Variants in PHF20L1 observed in about 807,000 individuals in gnomAD.
PHF20L1 encodes PHD finger protein 20 like 1.
A neutral mutation model predicts 125.5 loss-of-function variants in PHF20L1; 44 were observed. That is an observed-to-expected ratio of 0.35 (90% CI 0.28 to 0.45). The LOEUF is 0.45. Ranked by LOEUF, PHF20L1 falls within the 20% of genes least tolerant of loss-of-function variation. PHF20L1 has a pLI of 1.00. For synonymous variants in PHF20L1, 380 were observed against 403.1 expected (o/e 0.94, Z 0.69); for missense variants, 1,012 against 1,217.2 (o/e 0.83, Z 2.51).
Position 132,792,964 on chromosome 8 carries a change from C to CTTTTTTTT in PHF20L1, c.84-1435_84-1428dup, listed in dbSNP as rs370724463. Among the ~76,000 whole-genome samples, 17 of 129,630 alleles carry CTTTTTTTT rather than the reference C, an allele frequency of 1.3e-4. 1 individual carries two copies. The highest frequency in any genetic ancestry group is 1.8e-4 in the Non-Finnish European group (11 of 62,692). 85.0% of individuals were successfully genotyped at this position (129,630 alleles called of 152,430 possible). A position where few individuals can be genotyped will look rare whatever the true frequency, so the allele number is the denominator to read the frequency against. On this transcript the variant is annotated intron_variant, in intron 2 of 20. Coordinates refer to ENST00000395386, the MANE Select transcript of PHF20L1 (RefSeq NM_016018.5). ...GCTTATTTGAGAAGACCCCTTTTTT[C>CTTTTTTTT]TTTTTTTTTTTTTTTTTTAGTGCCA...
chr8:132,801,997 C>T (rs575790642), intron 6 of PHF20L1, among the ~76,000 whole-genome samples: 38 of 151,648 alleles, frequency 2.5e-4, no homozygotes, highest in African/African-American at 8.7e-4. Context: ...AAATTTTCCC[C>T]GCAATGTGGA....
rs1587083803 is a variant in PHF20L1 at position 132,839,190 on chromosome 8, C to T, written c.2192-197C>T. On this transcript the variant is annotated intron_variant, in intron 17 of 20. Transcript: ENST00000395386. ...CCATGTCCTTAATGGTGTTTCTTCT[C>T]CTGGGTGGGCAGGAACGCTGAAGGT... 7 of 557,570 alleles carry T rather than the reference C, an allele frequency of 1.3e-5. No homozygotes were observed. In the East Asian group the frequency reaches 2.0e-4, roughly 16 times the overall value. 34.5% of individuals were successfully genotyped at this position (557,570 alleles called of 1,614,324 possible). A position where few individuals can be genotyped will look rare whatever the true frequency, so the allele number is the denominator to read the frequency against.
chr8:132,791,221 T>G (rs569542739), intron 2 of PHF20L1, among the ~76,000 whole-genome samples: 101 of 150,290 alleles, frequency 6.7e-4, no homozygotes, highest in Non-Finnish European at 1.3e-3. Context: ...AATCTGACCC[T>G]AAGCTAAGCC....
chr8:132,828,325 TAACTG>T (rs759265799), intron 14 of PHF20L1, among the ~76,000 whole-genome samples: 10 of 152,000 alleles, frequency 6.6e-5, no homozygotes, highest in Admixed American at 4.6e-4. Context: ...TACCAACAGT[TAACTG>T]AGAGAGAGTG....
intron 15 of PHF20L1, among the ~76,000 whole-genome samples, chr8:132,833,786 C>G (rs1348459087): frequency 6.6e-6 from 1 of 152,118 alleles, no homozygotes; most frequent in Non-Finnish European, 1.5e-5. Context: ...TTCTTAGTCT[C>G]TGCCCTGCCC....
intron 12 of PHF20L1, chr8:132,818,726 C>G (rs1234195480): frequency 1.3e-5 from 2 of 151,708 alleles, no homozygotes; most frequent in Admixed American, 6.6e-5. Context: ...TTCCACTTTT[C>G]CACAAGATTT....
intron 13 of PHF20L1, 167 bp from the exon 14 acceptor site, chr8:132,825,096 CT>C: frequency 6.6e-7 from 1 of 1,521,554 alleles, no homozygotes; most frequent in Non-Finnish European, 8.9e-7. Flanking sequence ...GTCCAATAAG[CT>C]TATCAGGACT....
At chr8:132,777,641 C>G (rs1829971021) in intron 1 of PHF20L1, 151 bp from the exon 2 acceptor site, 1 of 524,192 alleles carries the variant, frequency 1.9e-6, no homozygotes, top group Admixed American at 3.5e-5. Context: ...GTTGGTAATA[C>G]TCCTTCAAAT....
intron 12 of PHF20L1, among the ~76,000 whole-genome samples, chr8:132,820,387 A>C (rs775053753): frequency 9.9e-5 from 15 of 151,910 alleles, no homozygotes; most frequent in Non-Finnish European, 1.5e-4. Flanking sequence ...CCTTGTCAAC[A>C]CAATTCTCTT....
chr8:132,833,283 T>G (rs909600786), intron 15 of PHF20L1, among the ~76,000 whole-genome samples: 2 of 152,152 alleles, frequency 1.3e-5, no homozygotes, highest in African/African-American at 4.8e-5. Context: ...TTGCACCGTT[T>G]GCTTCCAGGT....
chr8:132,815,373 A>C (rs1051045806), intron 10 of PHF20L1: 1 of 151,812 alleles, frequency 6.6e-6, no homozygotes, highest in Admixed American at 6.6e-5. Context: ...GTATTTTTAA[A>C]GATTTTACTG....
intron 14 of PHF20L1, among the ~76,000 whole-genome samples, chr8:132,831,462 G>A (rs374499952): frequency 6.6e-6 from 1 of 152,016 alleles, no homozygotes; most frequent in African/African-American, 2.4e-5. Flanking sequence ...ACAAAACTGA[G>A]AAAAACAGAA....
At chr8:132,830,593 A>G (rs1836658198) in intron 14 of PHF20L1, among the ~76,000 whole-genome samples, 1 of 151,918 alleles carries the variant, frequency 6.6e-6, no homozygotes, top group Non-Finnish European at 1.5e-5. Context: ...GCGTCACTTG[A>G]CATCCTTTTC....
In PHF20L1 at chr8:132,784,925, GT is replaced by G. The variant is rs1288553839; in HGVS notation, c.83+7015del. On this transcript the variant is annotated intron_variant, in intron 2 of 20. Coordinates refer to ENST00000395386, the MANE Select transcript of PHF20L1 (RefSeq NM_016018.5). ...ATTGGAATTAGAGAGCTTGAGCAAG[GT>G]AGGTAAATTTCAAGTTTATCCATCC... 8.7e-4 allele frequency among the ~76,000 whole-genome samples: 133 copies of G among 152,290 alleles called. 1 individual carries two copies. Among genetic ancestry groups the G allele is most frequent in the Non-Finnish European group, 1.0e-4 (7 of 68,030 alleles).
intron 15 of PHF20L1, among the ~76,000 whole-genome samples, chr8:132,834,794 C>T (rs1587062390): frequency 6.6e-6 from 1 of 152,030 alleles, no homozygotes; most frequent in African/African-American, 2.4e-5. Context: ...TTATACTGTT[C>T]ATACTAGATT....
chr8:132,780,062 C>G (rs956935940), intron 2 of PHF20L1, among the ~76,000 whole-genome samples: 3 of 145,668 alleles, frequency 2.1e-5, no homozygotes, highest in Non-Finnish European at 4.4e-5. Context: ...GATTTTGGCA[C>G]TCTGTTTCAG....
At chr8:132,839,676 T>C in intron 18 of PHF20L1, 94 bp downstream of exon 18, 1 of 812,138 alleles carries the variant, frequency 1.2e-6, no homozygotes, top group Non-Finnish European at 2.0e-6. Context: ...GAGTAACAGT[T>C]TGGAGGAGAG....
rs1835088600 is a variant in PHF20L1 at position 132,817,258 on chromosome 8, T to C, written c.1373-81T>C. On this transcript the variant is annotated intron_variant, in intron 11 of 20. Coordinates refer to ENST00000395386, the MANE Select transcript of PHF20L1 (RefSeq NM_016018.5). Reference sequence around the variant, plus strand: ...TTTGTGCCAGGCACTGTTTAAATTATGTAACACTTTAATTCACAGTGATAG... The same window carrying C: ...TTTGTGCCAGGCACTGTTTAAATTACGTAACACTTTAATTCACAGTGATAG... The C allele has an allele frequency of 1.1e-5, 13 of 1,220,878 alleles. 1 individual carries two copies. The South Asian group carries it at 1.7e-4, about 16-fold the overall frequency. The allele number at this position is 1,220,878 out of a possible 1,614,324, so 75.6% of individuals were successfully genotyped here.
At chr8:132,834,316 G>A (rs898914728) in intron 15 of PHF20L1, among the ~76,000 whole-genome samples, 1 of 152,028 alleles carries the variant, frequency 6.6e-6, no homozygotes, top group African/African-American at 2.4e-5. Flanking sequence ...TCCTTTCAAT[G>A]ATATAATTTC....
Sources: gnomAD v4.1 joint callset for allele counts (sites outside exome capture counted in the v4.1 genomes callset) on GRCh38, gnomAD v4.1.1 for gene constraint, MANE v1.5 for transcripts, NCBI Gene and HGNC (gene_info 2026-07-23, HGNC 2026-07-21) for gene names.